The following AGL variants were observed in gnomAD, a reference collection of about 807,000 sequenced individuals.
AGL encodes the protein amylo-alpha-1,6-glucosidase and 4-alpha-glucanotransferase, also known as glycogen debranching enzyme.
Under a neutral mutation model 199.3 loss-of-function variants are expected in AGL, and 128 were observed. The ratio of observed to expected loss-of-function variants is 0.64; its 90% CI spans 0.56 to 0.74. The LOEUF (loss-of-function observed/expected upper bound fraction) is 0.74. AGL is among the 30% of genes least tolerant of loss of function. AGL has a pLI of 0.00. For missense variants in AGL, 1,809 were observed against 1,820.8 expected, an observed-to-expected ratio of 0.99 and a Z score of 0.12; for synonymous variants, 584 against 594.7, an observed-to-expected ratio of 0.98 and a Z score of 0.26.
At chr1:99,891,917 CTT>C (rs1652927738) in intron 23 of AGL, among the ~76,000 whole-genome samples, 178 bp downstream of exon 23, 1 of 152,044 alleles carries the variant, frequency 6.6e-6, no homozygotes, top group African/African-American at 2.4e-5. Context: ...CAAAAACAAA[CTT>C]GAATATTATA....
intron 5 of AGL, 144 bp from the exon 6 acceptor site, chr1:99,870,256 G>T: frequency 1.2e-6 from 1 of 835,054 alleles, no homozygotes; most frequent in South Asian, 1.7e-5. Context: ...AACTTTTCCT[G>T]TAACAGTATC....
chr1:99,907,417 G>C (rs1172732675), intron 27 of AGL, among the ~76,000 whole-genome samples: 4 of 152,202 alleles, frequency 2.6e-5, no homozygotes, highest in South Asian at 4.1e-4. Context: ...GTGAACATGG[G>C]TGTACAAATA....
chr1:99,883,876 C>T (rs1258769388), intron 17 of AGL, among the ~76,000 whole-genome samples: 1 of 151,960 alleles, frequency 6.6e-6, no homozygotes, highest in Non-Finnish European at 1.5e-5. Context: ...AAGTTGTTCC[C>T]TAGAGCTAAG....
intron 21 of AGL, among the ~76,000 whole-genome samples, chr1:99,888,748 G>A (rs1378260807): frequency 1.3e-5 from 2 of 152,098 alleles, no homozygotes; most frequent in African/African-American, 4.8e-5. Flanking sequence ...TATCACACCT[G>A]TATTCCTGGT....
At chr1:99,872,762 C>A (rs1008273152) in intron 7 of AGL, among the ~76,000 whole-genome samples, 1 of 152,108 alleles carries the variant, frequency 6.6e-6, no homozygotes, top group African/African-American at 2.4e-5. Context: ...CTCTTGACCT[C>A]GTGATCTGCC....
chr1:99,856,106 T>C (rs1390436756), intron 2 of AGL, among the ~76,000 whole-genome samples: 1 of 152,230 alleles, frequency 6.6e-6, no homozygotes, highest in African/African-American at 2.4e-5. Flanking sequence ...CATGTACTGC[T>C]ATGACCTCAG....
chr1:99,863,748 CTTT>C (rs11372707), intron 4 of AGL, among the ~76,000 whole-genome samples: 8 of 118,872 alleles, frequency 6.7e-5, no homozygotes, highest in African/African-American at 1.3e-4. Context: ...TGCGCCTGGC[CTTT>C]TTTTTTTTTT....
rs187015320 is a variant in AGL at position 99,922,689 on chromosome 1, C to G, written c.*1038C>G. On this transcript the variant is annotated 3_prime_UTR_variant, in exon 34 of 34. Coordinates refer to ENST00000361915, the MANE Select transcript of AGL (RefSeq NM_000642.3). ...GGTTTTTAACATTTACATGAGTTAA[C>G]ATTTTTTCATAGAACTTATTTCCTA... 2.6e-5 allele frequency: 4 copies of G among 151,982 alleles called. No homozygotes were observed. The highest frequency in any genetic ancestry group is 2.6e-4 in the Admixed American group (4 of 15,260). 9.4% of individuals were successfully genotyped at this position (151,982 alleles called of 1,614,324 possible).
Position 99,912,507 on chromosome 1 carries a change from A to G in AGL, c.3939A>G (p.Val1313=). The G allele has an allele frequency of 6.2e-7, 1 of 1,608,932 alleles. No homozygotes were observed. The highest frequency in any genetic ancestry group is 1.3e-5 in the African/African-American group (1 of 74,946). ...TTTTCCCTTATCATGAAGTCACAGT[A>G]AAAAGACATGGTAAGCTGGTTATTT... is the stretch of plus-strand genomic sequence containing the variant. ...KNIFPYHEVT[V]KRHGKAIKVS... Residue 1313 remains valine, a synonymous_variant, in exon 29 of 34, where the codon GTA becomes GTG. Coordinates refer to ENST00000361915, the MANE Select transcript of AGL (RefSeq NM_000642.3).
Position 99,875,229 on chromosome 1 carries a change from T to G in AGL, c.1158T>G (p.His386Gln). ...TGGAGGAATTAAATTCAGAGAAGCA[T>G]CGACTCATTAACTATCATCAGGAAC... ...KRMEELNSEK[H>Q]RLINYHQEQA... The change falls in exon 9 of 34, where the codon CAT (histidine) becomes CAG (glutamine). Residue 386 changes from histidine to glutamine, a missense_variant. Physicochemically the swap from His to Gln is conservative, Grantham distance 24. Transcript: ENST00000361915. 2 of 1,614,122 alleles carry G rather than the reference T, an allele frequency of 1.2e-6. No individual in the cohort carries two copies. Among genetic ancestry groups the G allele is most frequent in the Non-Finnish European group, 8.5e-7 (1 of 1,179,962 alleles).
intron 5 of AGL, among the ~76,000 whole-genome samples, chr1:99,868,329 G>T (rs1650706973): frequency 6.6e-6 from 1 of 152,000 alleles, no homozygotes; most frequent in South Asian, 2.1e-4. Context: ...TTAAAAATTG[G>T]GGACGGGTGG....
chr1:99,892,502 A>G lies in AGL; in HGVS notation c.3154A>G (p.Lys1052Glu). Residue 1052 changes from lysine (K) to glutamate (E), a missense_variant, in exon 24 of 34, where the codon AAA becomes GAA. Coordinates refer to ENST00000361915, the MANE Select transcript of AGL (RefSeq NM_000642.3). ...TTCAGTTCAACTGTGTGGAGTAGGA[A>G]AATTCCCTTCCCTGCCAATTCTTTC... is the stretch of plus-strand genomic sequence containing the variant. ...LGSVQLCGVG[K>E]FPSLPILSPA... 1 of 1,613,662 alleles carries G rather than the reference A, an allele frequency of 6.2e-7. No individual in the cohort carries two copies. Among genetic ancestry groups the G allele is most frequent in the Admixed American group, 1.7e-5 (1 of 59,982 alleles).
At chr1:99,899,322 G>A (rs949473190) in intron 25 of AGL, among the ~76,000 whole-genome samples, 1 of 152,232 alleles carries the variant, frequency 6.6e-6, no homozygotes, top group Admixed American at 6.5e-5. Context: ...GCAAAGCTAG[G>A]ATTTAGACTT....
chr1:99,857,077 C>T (rs1005183621), intron 2 of AGL, among the ~76,000 whole-genome samples: 2 of 150,476 alleles, frequency 1.3e-5, no homozygotes, highest in African/African-American at 2.4e-5. Flanking sequence ...GGCTGACCCC[C>T]CCACCTCCCT....
In AGL at chr1:99,884,222, T is replaced by C. The variant is rs1170443772; in HGVS notation, c.2411T>C (p.Val804Ala). 3.7e-6 allele frequency: 6 copies of C among 1,613,326 alleles called. No individual in the cohort carries two copies. The highest frequency in any genetic ancestry group is 5.1e-6 in the Non-Finnish European group (6 of 1,179,496). ...NSINGTPDIT[V>A]EIREHIQLNE... ...ATCAATGGAACACCAGATATCACAG[T>C]AGAAATTAGAGAACATATTCAGGTA... The change falls in exon 18 of 34, where the codon GTA (valine) becomes GCA (alanine). Residue 804 changes from valine (V) to alanine (A), a missense_variant. Transcript: ENST00000361915.
intron 6 of AGL, 64 bp downstream of exon 6, chr1:99,870,645 T>C (rs939476674): frequency 3.2e-6 from 5 of 1,565,228 alleles, no homozygotes; most frequent in Admixed American, 1.7e-5. Flanking sequence ...ACATTAAATA[T>C]ATGGTTGAAA....
chr1:99,916,470 T>C lies in AGL; in HGVS notation c.4320T>C (p.Ala1440=). ...TAGACAATGACAACTACAATCTTGC[T>C]AAAGGTTTCAATTATCACCAAGGAC... The part of the protein sequence containing the change: ...NALDNDNYNL[A]KGFNYHQGPE... The change falls in exon 32 of 34, where the codon GCT becomes GCC. Residue 1440 remains alanine (A), a synonymous_variant. Coordinates refer to ENST00000361915, the MANE Select transcript of AGL (RefSeq NM_000642.3). The C allele has an allele frequency of 1.2e-6, 2 of 1,612,740 alleles. No homozygotes were observed. Among genetic ancestry groups the C allele is most frequent in the East Asian group, 2.2e-5 (1 of 44,752 alleles).
chr1:99,880,874 T>C, intron 14 of AGL, 79 bp downstream of exon 14: 1 of 1,481,056 alleles, frequency 6.8e-7, no homozygotes, highest in East Asian at 2.3e-5. Flanking sequence ...GTCACAATCA[T>C]ACCCATATAC....
chr1:99,905,640 T>TCATA (rs1171171578), intron 27 of AGL, among the ~76,000 whole-genome samples: 1 of 152,166 alleles, frequency 6.6e-6, no homozygotes, highest in Non-Finnish European at 1.5e-5. Context: ...CAGTGGTGCA[T>TCATA]CATAGCTCAC....
Sources: gnomAD v4.1 joint callset for allele counts (sites outside exome capture counted in the v4.1 genomes callset) on GRCh38, gnomAD v4.1.1 for gene constraint, MANE v1.5 for transcripts, NCBI Gene and HGNC (gene_info 2026-07-23, HGNC 2026-07-21) for gene names.